The following PNPLA1 variants were observed in gnomAD, a reference collection of about 807,000 sequenced individuals.
The protein encoded by PNPLA1 is omega-hydroxyceramide transacylase.
Under a neutral mutation model 51.7 loss-of-function variants are expected in PNPLA1, and 36 were observed. The observed-to-expected ratio is 0.70, with a 90% confidence interval of 0.53 to 0.92. The LOEUF (loss-of-function observed/expected upper bound fraction) is 0.92. PNPLA1 is among the 40% of genes least tolerant of loss of function. PNPLA1 has a pLI of 0.00. For synonymous variants in PNPLA1, 293 were observed against 280.1 expected, an observed-to-expected ratio of 1.05 and a Z score of -0.46; for missense variants, 658 against 682.5, an observed-to-expected ratio of 0.96 and a Z score of 0.40.
intron 1 of PNPLA1, among the ~76,000 whole-genome samples, chr6:36,283,035 G>A (rs1466961651): frequency 2.0e-5 from 3 of 152,094 alleles, no homozygotes; most frequent in Admixed American, 6.5e-5. Flanking sequence ...TTGGAATAAT[G>A]TCAGCTTCAC....
chr6:36,306,320 A>C lies in PNPLA1; in HGVS notation c.1413A>C (p.Pro471=). 6.2e-7 allele frequency: 1 copy of C among 1,612,800 alleles called. No individual in the cohort carries two copies. The highest frequency in any genetic ancestry group is 8.5e-7 in the Non-Finnish European group (1 of 1,179,518). The change falls in exon 7 of 9, where the codon CCA becomes CCC. Residue 471 remains proline (P), a synonymous_variant. Transcript: ENST00000636260. Reference sequence around the variant, plus strand: ...TAGCTCTTCTTGTCTCTTCAAAACCAAAAAGCGCCGTGCCTCTGGTTCATG... The same window carrying C: ...TAGCTCTTCTTGTCTCTTCAAAACCCAAAAGCGCCGTGCCTCTGGTTCATG... ...QAVALLVSSK[P]KSAVPLVHVK... is the part of the protein sequence containing the mutation.
chr6:36,292,758 G>A (rs1031189323), intron 2 of PNPLA1, among the ~76,000 whole-genome samples: 5 of 152,180 alleles, frequency 3.3e-5, no homozygotes, highest in African/African-American at 1.2e-4. Flanking sequence ...ACACATTAAT[G>A]GTTGTTGAAT....
intron 2 of PNPLA1, among the ~76,000 whole-genome samples, chr6:36,292,108 C>T (rs867662788): frequency 7.2e-5 from 11 of 152,134 alleles, no homozygotes; most frequent in African/African-American, 2.4e-4. Context: ...TGGAAAGGGC[C>T]GCAGGTAGGT....
At chr6:36,310,128 G>A (rs1771355834) in intron 8 of PNPLA1, among the ~76,000 whole-genome samples, 1 of 152,172 alleles carries the variant, frequency 6.6e-6, no homozygotes, top group African/African-American at 2.4e-5. Context: ...CCAAATCTCA[G>A]TGGATTACAA....
intron 1 of PNPLA1, among the ~76,000 whole-genome samples, chr6:36,279,382 C>A (rs1172999477): frequency 6.6e-6 from 1 of 152,200 alleles, no homozygotes. Context: ...GGCCCTGGAG[C>A]TGAGGCTGGC....
In PNPLA1 at chr6:36,270,368, A is replaced by C; in HGVS notation, c.-92A>C. On this transcript the variant is annotated 5_prime_UTR_variant, in exon 1 of 9. Coordinates refer to ENST00000636260, the MANE Select transcript of PNPLA1 (RefSeq NM_001374623.1). ...CTCCGGGGTGGCAGGGAAGCTGGGT[A>C]GGGAGTTCCTACAGGGAGCGGCAGC... 1 of 1,296,666 alleles carries C rather than the reference A, an allele frequency of 7.7e-7. No homozygotes were observed. Among genetic ancestry groups the C allele is most frequent in the Non-Finnish European group, 1.1e-6 (1 of 925,048 alleles). 80.3% of individuals were successfully genotyped at this position (1,296,666 alleles called of 1,614,324 possible). A position where few individuals can be genotyped will look rare whatever the true frequency, so the allele number is the denominator to read the frequency against.
At chr6:36,244,787 T>A (rs1238868151) in intron 1 of PNPLA1, among the ~76,000 whole-genome samples, 1 of 152,264 alleles carries the variant, frequency 6.6e-6, no homozygotes, top group Non-Finnish European at 1.5e-5. Context: ...CCACAGACTC[T>A]GTTGCCAAAC....
intron 1 of PNPLA1, among the ~76,000 whole-genome samples, chr6:36,284,692 C>G (rs768336255): frequency 6.6e-6 from 1 of 152,136 alleles, no homozygotes; most frequent in Non-Finnish European, 1.5e-5. Flanking sequence ...GTATTTCTGA[C>G]CTAGGATCCC....
chr6:36,307,962 G>A (rs777197504), intron 8 of PNPLA1: 7 of 368,630 alleles, frequency 1.9e-5, no homozygotes, highest in Admixed American at 1.7e-4. Flanking sequence ...ACTTCATAAA[G>A]TTGTGAGAGT....
chr6:36,253,788 G>A (rs1457856588), intron 1 of PNPLA1, among the ~76,000 whole-genome samples: 2 of 152,088 alleles, frequency 1.3e-5, no homozygotes, highest in African/African-American at 4.8e-5. Flanking sequence ...CAGAGTTCTC[G>A]ATAAATAGCA....
At position 36,312,000 on chromosome 6, in the gene PNPLA1, CAA is replaced by C. The variant is rs2127358420; in HGVS notation, c.*115_*116del. ...TTCCCTTCCTGGTCATAGTCAAGGTCAACACTAGCCCAGGCAGTACCTTTTAT... is the reference window on the plus strand; with the variant it reads ...TTCCCTTCCTGGTCATAGTCAAGGTCCACTAGCCCAGGCAGTACCTTTTAT... On this transcript the variant is annotated 3_prime_UTR_variant, in exon 9 of 9. Transcript: ENST00000636260. 1 of 152,720 alleles carries C rather than the reference CAA, an allele frequency of 6.5e-6. No homozygotes were observed. The highest frequency in any genetic ancestry group is 2.4e-5 in the African/African-American group (1 of 41,554). 9.5% of individuals were successfully genotyped at this position (152,720 alleles called of 1,614,324 possible).
At chr6:36,264,716 G>A (rs9462166) in intron 1 of PNPLA1, among the ~76,000 whole-genome samples, 2,350 of 152,160 alleles carry the variant, frequency 0.015, 47 homozygotes, top group African/African-American at 0.051. Context: ...CTGGCTGGTG[G>A]GTATATGAAT....
chr6:36,295,385 C>T lies in PNPLA1; in HGVS notation c.736C>T (p.Arg246Ter), dbSNP rs777268917. The change falls in exon 5 of 9, where the codon CGA (arginine) becomes TGA (stop). Residue 246 changes from arginine to a stop codon, truncating the protein, a stop_gained. Coordinates refer to ENST00000636260, the MANE Select transcript of PNPLA1 (RefSeq NM_001374623.1). LOFTEE classifies it high-confidence loss of function. Reference sequence around the variant, plus strand: ...ACAGATCCTGCACGATTACTACTACCGAGGGTACGAGGATGCAGTTTTGTA... The same window carrying T: ...ACAGATCCTGCACGATTACTACTACTGAGGGTACGAGGATGCAGTTTTGTA... ...DLVILHDYYY[R>*]GYEDAVLYLR... 17 of 1,614,024 alleles carry T rather than the reference C, an allele frequency of 1.1e-5. No individual in the cohort carries two copies. The highest frequency in any genetic ancestry group is 1.3e-5 in the African/African-American group (1 of 74,910).
At chr6:36,283,926 C>A (rs1770396722) in intron 1 of PNPLA1, among the ~76,000 whole-genome samples, 1 of 152,188 alleles carries the variant, frequency 6.6e-6, no homozygotes, top group Admixed American at 6.5e-5. Context: ...GGAGCAGGGC[C>A]CCAAAAGGAC....
At chr6:36,274,661 A>G (rs1770036852) in intron 1 of PNPLA1, among the ~76,000 whole-genome samples, 1 of 152,330 alleles carries the variant, frequency 6.6e-6, no homozygotes, top group South Asian at 2.1e-4. Context: ...AGTTGTACCA[A>G]TTTAATCACA....
chr6:36,281,115 G>T (rs1451353920), intron 1 of PNPLA1, among the ~76,000 whole-genome samples: 1 of 152,182 alleles, frequency 6.6e-6, no homozygotes, highest in Non-Finnish European at 1.5e-5. Flanking sequence ...AGCTGGAAAG[G>T]TTCCTCTTTA....
chr6:36,280,497 T>C (rs1304751206), intron 1 of PNPLA1, among the ~76,000 whole-genome samples: 2 of 152,222 alleles, frequency 1.3e-5, no homozygotes, highest in Non-Finnish European at 2.9e-5. Flanking sequence ...TATGGGAGGC[T>C]GTGTTTTTTC....
In PNPLA1 at chr6:36,291,646, C is replaced by T; in HGVS notation, c.438+94C>T. Reference sequence around the variant, plus strand: ...ACAGCTCAACCCGATGCCTTATCCACCTGCCTCACTTCCCTAGTCCTTCCC... The same window carrying T: ...ACAGCTCAACCCGATGCCTTATCCATCTGCCTCACTTCCCTAGTCCTTCCC... On this transcript the variant is annotated intron_variant, in intron 2 of 8. Coordinates refer to ENST00000636260, the MANE Select transcript of PNPLA1 (RefSeq NM_001374623.1). The T allele has an allele frequency of 3.8e-6, 4 of 1,062,794 alleles. No homozygotes were observed. In the South Asian group the frequency reaches 6.1e-5, roughly 16 times the overall value. 65.8% of individuals were successfully genotyped at this position (1,062,794 alleles called of 1,614,324 possible).
chr6:36,302,059 G>A lies in PNPLA1; in HGVS notation c.974G>A (p.Gly325Asp), dbSNP rs1157283064. 9.9e-6 allele frequency: 16 copies of A among 1,614,068 alleles called. No homozygotes were observed. Among genetic ancestry groups the A allele is most frequent in the Non-Finnish European group, 1.3e-5 (15 of 1,180,048 alleles). ...VPKGDGRGSHGPPVSQPVQTL... is the reference protein window; with the variant it reads ...VPKGDGRGSHDPPVSQPVQTL... ...AAAGGGGATGGAAGGGGCAGCCATG[G>A]TCCGCCTGTGTCCCAACCTGTGCAG... Residue 325 changes from glycine (G) to aspartate (D), a missense_variant, in exon 6 of 9, where the codon GGT (glycine) becomes GAT (aspartate). Gly to Asp is a moderately conservative substitution (Grantham distance 94). Coordinates refer to ENST00000636260, the MANE Select transcript of PNPLA1 (RefSeq NM_001374623.1).
Sources: gnomAD v4.1 joint callset for allele counts (sites outside exome capture counted in the v4.1 genomes callset) on GRCh38, gnomAD v4.1.1 for gene constraint, MANE v1.5 for transcripts, NCBI Gene and HGNC (gene_info 2026-07-23, HGNC 2026-07-21) for gene names.